DHTKD1: variants seen among roughly 807,000 people sequenced by gnomAD.
DHTKD1 encodes the protein 2-oxoadipate dehydrogenase complex component E1.
In DHTKD1, 78 loss-of-function variants were observed where a neutral mutation model predicts 101.8. The ratio of observed to expected loss-of-function variants is 0.77; its 90% CI spans 0.64 to 0.93. The LOEUF is 0.93. Among genes scored for constraint, DHTKD1 ranks in the 40% least tolerant of loss-of-function variants. The probability of loss-of-function intolerance (pLI) is 0.00; values close to 1 mark genes in which losing one functional copy is unlikely to be tolerated. For missense variants in DHTKD1, 1,223 were observed against 1,161.7 expected (o/e 1.05, Z -0.77); for synonymous variants, 462 against 450.3 (o/e 1.03, Z -0.33).
Position 12,107,907 on chromosome 10 carries a change from A to G in DHTKD1, c.2048-2A>G. On this transcript the variant is annotated splice_acceptor_variant, in intron 11 of 16. Transcript: ENST00000263035. LOFTEE classifies it high-confidence loss of function. The surrounding 1 kb of genome is among the most constrained non-coding windows in gnomAD (Gnocchi z 4.1). The stretch of plus-strand genomic sequence containing the variant: ...CTTACTCCCCACGTGGTACTTTTCC[A>G]GGAGAGGCCAAGTGGCTCCTACAAA... The G allele has an allele frequency of 6.2e-7, 1 of 1,608,282 alleles. No individual in the cohort carries two copies. Among genetic ancestry groups the G allele is most frequent in the Non-Finnish European group, 8.5e-7 (1 of 1,174,832 alleles).
At chr10:12,117,220 G>C (rs1833432260) in intron 13 of DHTKD1, among the ~76,000 whole-genome samples, 1 of 151,690 alleles carries the variant, frequency 6.6e-6, no homozygotes, top group African/African-American at 2.4e-5. Context: ...ATGTTGGCCA[G>C]GCTGGTCTCA....
Position 12,097,948 on chromosome 10 carries a change from G to A in DHTKD1, c.1623G>A (p.Val541=). Residue 541 remains valine (V), a synonymous_variant, in exon 8 of 17, where the codon GTG becomes GTA. Coordinates refer to ENST00000263035, the MANE Select transcript of DHTKD1 (RefSeq NM_018706.7). ...LRFVGMKSVE[V]PRELQMHSHL... is the part of the protein sequence containing the mutation. ...TTGTTGGCATGAAGTCTGTAGAGGT[G>A]CCAAGAGAGCTGCAGATGCACAGTC... The A allele has an allele frequency of 6.2e-7, 1 of 1,613,856 alleles. No individual in the cohort carries two copies. The highest frequency in any genetic ancestry group is 8.5e-7 in the Non-Finnish European group (1 of 1,179,814).
At position 12,084,288 on chromosome 10, in the gene DHTKD1, A is replaced by G. The variant is rs552106562; in HGVS notation, c.311-252A>G. 2.4e-4 allele frequency among the ~76,000 whole-genome samples: 36 copies of G among 149,692 alleles called. 1 individual carries two copies. In the South Asian group the frequency reaches 7.5e-3, roughly 31 times the overall value. On this transcript the variant is annotated intron_variant, in intron 2 of 16. Transcript: ENST00000263035. Reference sequence around the variant, plus strand: ...AAGTAATTATTTTGGTATGTTCCAGAATTAACTTGCCACATGATTTTTTTT... The same window carrying G: ...AAGTAATTATTTTGGTATGTTCCAGGATTAACTTGCCACATGATTTTTTTT...
At chr10:12,109,091 G>T (rs974643629) in intron 12 of DHTKD1, among the ~76,000 whole-genome samples, 3 of 152,080 alleles carry the variant, frequency 2.0e-5, no homozygotes, top group Non-Finnish European at 4.4e-5. Context: ...GGCAGAGGTT[G>T]CAGTGAGATC....
chr10:12,115,322 C>A (rs1013378176), intron 13 of DHTKD1, among the ~76,000 whole-genome samples: 1 of 152,146 alleles, frequency 6.6e-6, no homozygotes, highest in Non-Finnish European at 1.5e-5. Flanking sequence ...GTCTCGAACT[C>A]CTGGCCTCAA....
At chr10:12,074,720 G>A (rs912594665) in intron 1 of DHTKD1, among the ~76,000 whole-genome samples, 1 of 151,516 alleles carries the variant, frequency 6.6e-6, no homozygotes, top group African/African-American at 2.4e-5. Context: ...CCTGGGCCAC[G>A]GAGTGACTAT....
chr10:12,100,395 A>G (rs1833150493), intron 9 of DHTKD1, 133 bp downstream of exon 9: 1 of 515,136 alleles, frequency 1.9e-6, no homozygotes, highest in Non-Finnish European at 3.4e-6. Flanking sequence ...CTCCTGCCCC[A>G]GCCTCCCAAG....
At chr10:12,119,390 C>A (rs1321691152) in intron 15 of DHTKD1, among the ~76,000 whole-genome samples, 1 of 148,252 alleles carries the variant, frequency 6.7e-6, no homozygotes, top group Non-Finnish European at 1.5e-5. Context: ...CCGAGGTGGG[C>A]GGATCACGAG....
chr10:12,091,705 C>A, intron 6 of DHTKD1, 21 bp downstream of exon 6: 7 of 1,607,826 alleles, frequency 4.4e-6, no homozygotes, highest in Non-Finnish European at 5.9e-6. Flanking sequence ...CAGGGAGGAA[C>A]TGATATTGCT....
At chr10:12,091,092 G>A (rs1250491424) in intron 5 of DHTKD1, among the ~76,000 whole-genome samples, 2 of 152,016 alleles carry the variant, frequency 1.3e-5, no homozygotes, top group African/African-American at 4.8e-5. Context: ...GAAATAAAAG[G>A]TGAAAAGGCC....
chr10:12,109,134 C>G (rs1355547615), intron 12 of DHTKD1, among the ~76,000 whole-genome samples: 1 of 151,890 alleles, frequency 6.6e-6, no homozygotes, highest in Non-Finnish European at 1.5e-5. Context: ...ACAACAAAGA[C>G]TCTGTCTCAA....
intron 1 of DHTKD1, among the ~76,000 whole-genome samples, chr10:12,072,808 C>G (rs1371494683): frequency 1.3e-5 from 2 of 151,762 alleles, no homozygotes; most frequent in African/African-American, 2.4e-5. Flanking sequence ...ACGATCTCAG[C>G]TCACCACAAC....
At chr10:12,115,316 C>T (rs1391368539) in intron 13 of DHTKD1, among the ~76,000 whole-genome samples, 6 of 152,032 alleles carry the variant, frequency 3.9e-5, no homozygotes, top group Non-Finnish European at 5.9e-5. Flanking sequence ...AGGCTGGTCT[C>T]GAACTCCTGG....
At chr10:12,073,435 C>T (rs917213676) in intron 1 of DHTKD1, among the ~76,000 whole-genome samples, 2 of 152,046 alleles carry the variant, frequency 1.3e-5, no homozygotes, top group South Asian at 2.1e-4. Flanking sequence ...CAACCTCTAC[C>T]TCCCGGGTTT....
At position 12,120,899 on chromosome 10, in the gene DHTKD1, T is replaced by G; in HGVS notation, c.*11T>G. On this transcript the variant is annotated 3_prime_UTR_variant, in exon 17 of 17. Transcript: ENST00000263035. ...AAGACCTTCGCTTGATGATGACTTT[T>G]GAAGAAACACTATTTCTCTTTAAGA... 6.2e-7 allele frequency: 1 copy of G among 1,612,290 alleles called. No individual in the cohort carries two copies. Among genetic ancestry groups the G allele is most frequent in the Non-Finnish European group, 8.5e-7 (1 of 1,178,780 alleles).
chr10:12,095,391 T>C (rs1040504081), intron 7 of DHTKD1, among the ~76,000 whole-genome samples: 1 of 152,224 alleles, frequency 6.6e-6, no homozygotes, highest in African/African-American at 2.4e-5. Context: ...AATATGTTAT[T>C]GAAATGCCGG....
At chr10:12,098,044 C>T (rs1292690122) in intron 8 of DHTKD1, 48 bp downstream of exon 8, 2 of 1,521,914 alleles carry the variant, frequency 1.3e-6, no homozygotes, top group East Asian at 2.3e-5. Flanking sequence ...TCCTGCTCAG[C>T]AAAGGAGCTG....
In DHTKD1 at chr10:12,107,188, G is replaced by A. The variant is rs1210738882; in HGVS notation, c.2048-721G>A. 1.3e-5 allele frequency among the ~76,000 whole-genome samples: 2 copies of A among 151,632 alleles called. No homozygotes were observed. Among genetic ancestry groups the A allele is most frequent in the Non-Finnish European group, 2.9e-5 (2 of 67,922 alleles). On this transcript the variant is annotated intron_variant, in intron 11 of 16. Coordinates refer to ENST00000263035, the MANE Select transcript of DHTKD1 (RefSeq NM_018706.7). This position sits in a 1 kb window ranked among gnomAD's most constrained non-coding sequence, Gnocchi z 4.1. The stretch of plus-strand genomic sequence containing the variant: ...TTTTTAGTAGAGATGGGGTTTCACC[G>A]TGTCAGCCGGGATGGTCTCGTTCTC...
Position 12,110,557 on chromosome 10 carries a change from T to C in DHTKD1, c.2155-2343T>C, listed in dbSNP as rs1201942720. Among the ~76,000 whole-genome samples, 1 of 152,162 alleles carries C rather than the reference T, an allele frequency of 6.6e-6. No homozygotes were observed. Among genetic ancestry groups the C allele is most frequent in the East Asian group, 1.9e-4 (1 of 5,194 alleles). On this transcript the variant is annotated intron_variant, in intron 12 of 16. Transcript: ENST00000263035. This position sits in a 1 kb window ranked among gnomAD's most constrained non-coding sequence, Gnocchi z 4.9. ...AATTGTATATATGAATAGTATAAAA[T>C]GTGATGTTTTGATACAGCTATACAT...
Sources: gnomAD v4.1 joint callset for allele counts (sites outside exome capture counted in the v4.1 genomes callset) on GRCh38, gnomAD v4.1.1 for gene constraint, Gnocchi (gnomAD v3.1) non-coding constraint, MANE v1.5 for transcripts, NCBI Gene and HGNC (gene_info 2026-07-23, HGNC 2026-07-21) for gene names.